The following LYST variants were observed in gnomAD, a reference collection of about 807,000 sequenced individuals.
LYST encodes the protein lysosomal-trafficking regulator.
A neutral mutation model predicts 413.6 loss-of-function variants in LYST; 192 were observed. The observed-to-expected ratio is 0.46, with a 90% CI of 0.41 to 0.52. The LOEUF (loss-of-function observed/expected upper bound fraction) is 0.52, where lower values mean the gene tolerates loss of function less well. LYST is among the 20% of genes least tolerant of loss of function. LYST has a pLI of 0.00. For synonymous variants in LYST, 1,525 were observed against 1,567.3 expected, an observed-to-expected ratio of 0.97 and a Z score of 0.64; for missense variants, 3,815 against 4,499.9, an observed-to-expected ratio of 0.85 and a Z score of 4.35.
chr1:235,791,840 G>C lies in LYST; in HGVS notation c.4402C>G (p.His1468Asp). The C allele has an allele frequency of 1.2e-6, 2 of 1,614,166 alleles. No homozygotes were observed. The highest frequency in any genetic ancestry group is 1.7e-6 in the Non-Finnish European group (2 of 1,180,004). Residue 1468 changes from histidine (H) to aspartate (D), a missense_variant, in exon 12 of 53, where the codon CAC becomes GAC. Physicochemically the swap from His to Asp is moderately conservative, Grantham distance 81 (BLOSUM62 -1). Around this residue, in one of 4 missense-constraint regions of LYST, gnomAD observed 1,648 missense variants for 1,810.3 expected, o/e 0.91. Transcript: ENST00000389793. Reference protein sequence around the residue: ...LPLLGQNCWPHLSEGFSVSLW... With the variant: ...LPLLGQNCWPDLSEGFSVSLW... ...GAAACACTGAAACCTTCTGATAGGT[G>C]TGGCCAGCAGTTTTGCCCCAGCAAC... is the stretch of plus-strand genomic sequence containing the variant.
intron 24 of LYST, 66 bp from the exon 25 acceptor site, chr1:235,755,713 T>G: frequency 1.2e-6 from 1 of 857,974 alleles, no homozygotes; most frequent in Non-Finnish European, 1.9e-6. Flanking sequence ...TACAAATCAG[T>G]GTAACACAAC....
chr1:235,715,868 T>TTA (rs1662794259), intron 41 of LYST, among the ~76,000 whole-genome samples: 2 of 146,332 alleles, frequency 1.4e-5, no homozygotes, highest in South Asian at 4.3e-4. Flanking sequence ...TTATCAGAGA[T>TTA]AAAAAAAAAA....
intron 48 of LYST, among the ~76,000 whole-genome samples, chr1:235,685,407 G>A (rs1660136271): frequency 6.6e-6 from 1 of 152,112 alleles, no homozygotes; most frequent in African/African-American, 2.4e-5. Context: ...TCCCTAAAAT[G>A]CTGACTGGAT....
intron 20 of LYST, among the ~76,000 whole-genome samples, chr1:235,768,560 T>C (rs1253514321): frequency 2.0e-5 from 3 of 152,102 alleles, no homozygotes; most frequent in Admixed American, 2.0e-4. Context: ...GTTAATTTGA[T>C]AAGTGGGCTC....
chr1:235,806,341 G>A lies in LYST; in HGVS notation c.2795C>T (p.Thr932Ile), dbSNP rs1426834922. 1 of 1,613,938 alleles carries A rather than the reference G, an allele frequency of 6.2e-7. No homozygotes were observed. The highest frequency in any genetic ancestry group is 2.2e-5 in the East Asian group (1 of 44,852). Residue 932 changes from threonine to isoleucine, a missense_variant, in exon 6 of 53, where the codon ACA (threonine) becomes ATA (isoleucine). Transcript: ENST00000389793. ...CATATGACTTAAAGGCTCGCTGGCTGTGCTGTCATAGCCAGAAGTATCTTC... is the reference window on the plus strand; with the variant it reads ...CATATGACTTAAAGGCTCGCTGGCTATGCTGTCATAGCCAGAAGTATCTTC... ...DSEDTSGYDS[T>I]ASEPLSHMLP... is the part of the protein sequence containing the mutation.
intron 21 of LYST, among the ~76,000 whole-genome samples, chr1:235,765,536 T>A (rs1668052505): frequency 6.6e-6 from 1 of 152,194 alleles, no homozygotes; most frequent in African/African-American, 2.4e-5. Flanking sequence ...AATAAGTAAA[T>A]GGTGGTCTTA....
intron 44 of LYST, among the ~76,000 whole-genome samples, chr1:235,707,640 T>C (rs1662093730): frequency 6.6e-6 from 1 of 151,930 alleles, no homozygotes; most frequent in East Asian, 1.9e-4. Context: ...AATAAATAAA[T>C]AAAAAGTAAA....
intron 14 of LYST, among the ~76,000 whole-genome samples, chr1:235,786,807 C>T (rs1056238205): frequency 2.0e-5 from 3 of 149,218 alleles, no homozygotes; most frequent in Non-Finnish European, 4.4e-5. Flanking sequence ...GGACAAAAAA[C>T]CAAACACCGC....
intron 14 of LYST, among the ~76,000 whole-genome samples, chr1:235,784,018 T>C (rs1444208693): frequency 6.6e-6 from 1 of 152,146 alleles, no homozygotes; most frequent in African/African-American, 2.4e-5. Flanking sequence ...TAGCTGGGAC[T>C]ACAGCTACGC....
Position 235,733,917 on chromosome 1 carries a change from T to A in LYST, c.8536-11A>T. 1 of 1,343,942 alleles carries A rather than the reference T, an allele frequency of 7.4e-7. No homozygotes were observed. Among genetic ancestry groups the A allele is most frequent in the Non-Finnish European group, 1.1e-6 (1 of 937,200 alleles). The allele number at this position is 1,343,942 out of a possible 1,614,324, so 83.3% of individuals were successfully genotyped here. A position where few individuals can be genotyped will look rare whatever the true frequency, so the allele number is the denominator to read the frequency against. On this transcript the variant is annotated splice_polypyrimidine_tract_variant and intron_variant, in intron 32 of 52. Transcript: ENST00000389793. ...ATATTTCTTTTGTTCCTAGAAGATT[T>A]AGATAATAATATACTATATAAAATT...
chr1:235,795,682 G>T (rs1360267728), intron 10 of LYST, among the ~76,000 whole-genome samples: 1 of 151,980 alleles, frequency 6.6e-6, no homozygotes, highest in Non-Finnish European at 1.5e-5. Flanking sequence ...ACCCACTCAG[G>T]AAAGAGGCCA....
upstream of LYST, among the ~76,000 whole-genome samples, chr1:235,870,656 C>T (rs1007506664): frequency 1.5e-4 from 23 of 152,212 alleles, no homozygotes; most frequent in African/African-American, 5.5e-4. Flanking sequence ...TAACATACTA[C>T]ATAATTTGTC....
chr1:235,803,468 G>A (rs181807448), intron 7 of LYST, among the ~76,000 whole-genome samples: 8 of 152,134 alleles, frequency 5.3e-5, no homozygotes, highest in Non-Finnish European at 8.8e-5. Context: ...TTTTATAAAT[G>A]CCTTATAAGT....
At chr1:235,733,302 C>T (rs892712696) in intron 34 of LYST, among the ~76,000 whole-genome samples, 3 of 151,668 alleles carry the variant, frequency 2.0e-5, no homozygotes, top group South Asian at 2.1e-4. Flanking sequence ...CTACTGCCCC[C>T]CTCATTACTT....
At position 235,741,593 on chromosome 1, in the gene LYST, C is replaced by A. The variant is rs1414733093; in HGVS notation, c.8187G>T (p.Trp2729Cys). Reference sequence around the variant, plus strand: ...CCTTACAAGACCACAGAATTTTAGTCCATTGCTGCTTGGAACCACTGGCTT... The same window carrying A: ...CCTTACAAGACCACAGAATTTTAGTACATTGCTGCTTGGAACCACTGGCTT... ...SSKASGSKQQWTKILWSCKET... is the reference protein window; with the variant it reads ...SSKASGSKQQCTKILWSCKET... The change falls in exon 31 of 53, where the codon TGG becomes TGT. Residue 2729 changes from tryptophan (W) to cysteine (C), a missense_variant. Physicochemically the swap from Trp to Cys is radical, Grantham distance 215. Transcript: ENST00000389793. 6.2e-7 allele frequency: 1 copy of A among 1,614,086 alleles called. No individual in the cohort carries two copies. The highest frequency in any genetic ancestry group is 1.1e-5 in the South Asian group (1 of 91,080).
chr1:235,747,360 C>G (rs2103286963), intron 28 of LYST: 1 of 359,968 alleles, frequency 2.8e-6, no homozygotes, highest in Non-Finnish European at 5.7e-6. Context: ...AAACATATAT[C>G]AATTTCTATA....
At position 235,800,997 on chromosome 1, in the gene LYST, A is replaced by G. The variant is rs755896195; in HGVS notation, c.3813T>C (p.Ile1271=). Residue 1271 remains isoleucine (I), a synonymous_variant, in exon 9 of 53, where the codon ATT becomes ATC. Coordinates refer to ENST00000389793, the MANE Select transcript of LYST (RefSeq NM_000081.4). ...LTQGEIIYPE[I]CMLELNLLSA... is the part of the protein sequence containing the mutation. The stretch of plus-strand genomic sequence containing the variant: ...AAAGCAAATTTAATTCCAGCATACA[A>G]ATCTCAGGATAAATTATTTCCCCTT... The G allele has an allele frequency of 1.9e-6, 3 of 1,613,674 alleles. No individual in the cohort carries two copies. Among genetic ancestry groups the G allele is most frequent in the Non-Finnish European group, 1.7e-6 (2 of 1,179,678 alleles).
chr1:235,733,735 C>T lies in LYST; in HGVS notation c.8613-44G>A, dbSNP rs377561348. On this transcript the variant is annotated intron_variant, in intron 33 of 52. Transcript: ENST00000389793. The stretch of plus-strand genomic sequence containing the variant: ...TGTCCATAGTTAAGCATACATGGAA[C>T]GTATTTATCAGAACATGATACTTTA... 1.9e-5 allele frequency: 29 copies of T among 1,531,486 alleles called. No individual in the cohort carries two copies. The East Asian group carries it at 4.5e-4, about 24-fold the overall frequency. 94.9% of individuals were successfully genotyped at this position (1,531,486 alleles called of 1,614,324 possible).
intron 47 of LYST, among the ~76,000 whole-genome samples, chr1:235,690,557 T>C (rs1300524366): frequency 6.6e-6 from 1 of 152,238 alleles, no homozygotes; most frequent in Non-Finnish European, 1.5e-5. Context: ...TGTTTTTCAC[T>C]GTCTCTTTAT....
Sources: allele counts gnomAD v4.1 joint callset (sites outside exome capture counted in the v4.1 genomes callset), GRCh38; gene constraint gnomAD v4.1.1; regional missense constraint gnomAD v4.1.1; transcripts MANE v1.5; gene names NCBI Gene and HGNC (gene_info 2026-07-23, HGNC 2026-07-21).